Variants in NRXN3 observed in about 807,000 individuals in gnomAD.
The protein encoded by NRXN3 is neurexin 3.
A neutral mutation model predicts 137.6 loss-of-function variants in NRXN3; 32 were observed. The observed-to-expected ratio is 0.23, with a 90% CI of 0.18 to 0.31. The LOEUF (loss-of-function observed/expected upper bound fraction) is 0.31. Among genes scored for constraint, NRXN3 ranks in the 10% least tolerant of loss-of-function variants. The probability of loss-of-function intolerance (pLI) is 1.00; values close to 1 mark genes in which losing one functional copy is unlikely to be tolerated. For missense variants in NRXN3, 1,574 were observed against 2,062.5 expected (o/e 0.76, Z 4.59); for synonymous variants, 798 against 784.5 (o/e 1.02, Z -0.29).
rs150003252 is a variant in NRXN3, at chr14:79,526,117, G to A, written c.3444+58715G>A. Among the ~76,000 whole-genome samples, 598 of 152,040 alleles carry A rather than the reference G, an allele frequency of 3.9e-3. 17 individuals carry two copies. The East Asian group carries it at 0.08, about 20-fold the overall frequency. Reference sequence around the variant, plus strand: ...GGCTGGAGTGCAATGGCGTGATCTCGGCTCACTGCAACCTCCACCTCCTGG... The same window carrying A: ...GGCTGGAGTGCAATGGCGTGATCTCAGCTCACTGCAACCTCCACCTCCTGG... On this transcript the variant is annotated intron_variant, in intron 16 of 20. Coordinates refer to ENST00000335750, the MANE Select transcript of NRXN3 (RefSeq NM_001330195.2).
At chr14:79,585,767 ATGTT>A (rs992279618) in intron 16 of NRXN3, among the ~76,000 whole-genome samples, 10 of 151,850 alleles carry the variant, frequency 6.6e-5, no homozygotes, top group Non-Finnish European at 1.0e-4. Flanking sequence ...TGGGGGTATA[ATGTT>A]TGTTTAAGTT....
At chr14:78,644,557 A>G (rs2097667836) in intron 4 of NRXN3, among the ~76,000 whole-genome samples, 1 of 152,122 alleles carries the variant, frequency 6.6e-6, no homozygotes, top group Non-Finnish European at 1.5e-5. Context: ...CTCAGGTCCA[A>G]CCTCCTACTT....
intron 10 of NRXN3, among the ~76,000 whole-genome samples, chr14:78,916,413 T>C (rs1890586747): frequency 6.6e-6 from 1 of 152,136 alleles, no homozygotes; most frequent in South Asian, 2.1e-4. Flanking sequence ...TTTTAGATGG[T>C]AGGTCACAGA....
chr14:78,539,445 G>A (rs2096567649), intron 4 of NRXN3, among the ~76,000 whole-genome samples: 1 of 152,124 alleles, frequency 6.6e-6, no homozygotes. Flanking sequence ...GTATTTCTGT[G>A]GGATCAATGG....
intron 20 of NRXN3, among the ~76,000 whole-genome samples, chr14:79,824,984 A>G (rs2099289420): frequency 6.6e-6 from 1 of 152,202 alleles, no homozygotes; most frequent in African/African-American, 2.4e-5. Flanking sequence ...CTATAACCCA[A>G]TTTGTGAAAA....
chr14:78,453,763 A>G (rs1429754045), intron 4 of NRXN3, among the ~76,000 whole-genome samples: 4 of 152,236 alleles, frequency 2.6e-5, no homozygotes, highest in Non-Finnish European at 5.9e-5. Flanking sequence ...TTGGACACAG[A>G]AACAGACACA....
intron 3 of NRXN3, among the ~76,000 whole-genome samples, chr14:78,295,313 A>G (rs148886902): frequency 2.6e-5 from 4 of 151,648 alleles, no homozygotes; most frequent in South Asian, 2.1e-4. Context: ...AGGATCGTGT[A>G]TCTCGTTTTC....
chr14:79,627,800 C>T (rs576601378), intron 16 of NRXN3, among the ~76,000 whole-genome samples: 19 of 151,876 alleles, frequency 1.3e-4, no homozygotes, highest in Non-Finnish European at 2.4e-4. Context: ...AGGCTTCTGG[C>T]GTGGGTGCTG....
intron 16 of NRXN3, among the ~76,000 whole-genome samples, chr14:79,559,392 A>G (rs888853263): frequency 6.6e-6 from 1 of 152,076 alleles, no homozygotes; most frequent in Non-Finnish European, 1.5e-5. Flanking sequence ...TACATTCAAT[A>G]TTGTTGTGTC....
chr14:79,827,589 C>A (rs1313262526), intron 20 of NRXN3, among the ~76,000 whole-genome samples: 1 of 151,950 alleles, frequency 6.6e-6, no homozygotes, highest in Non-Finnish European at 1.5e-5. Flanking sequence ...GTGCTAGCAT[C>A]TGGGGAGCCT....
chr14:79,816,577 C>T (rs553351860), intron 20 of NRXN3, among the ~76,000 whole-genome samples: 99 of 152,286 alleles, frequency 6.5e-4, no homozygotes, highest in African/African-American at 2.3e-3. Context: ...TGACAATGAA[C>T]AGGATATTTC....
intron 2 of NRXN3, among the ~76,000 whole-genome samples, chr14:78,244,783 G>A (rs2067444442): frequency 6.6e-6 from 1 of 152,220 alleles, no homozygotes; most frequent in South Asian, 2.1e-4. Context: ...GAGGCACAGA[G>A]ATTGACTGCA....
At chr14:78,336,840 T>A (rs2081533158) in intron 4 of NRXN3, among the ~76,000 whole-genome samples, 1 of 152,084 alleles carries the variant, frequency 6.6e-6, no homozygotes, top group South Asian at 2.1e-4. Flanking sequence ...AGCATCCTGT[T>A]GTGATGCAAT....
In NRXN3 at chr14:79,776,605, C is replaced by T. The variant is rs567019519; in HGVS notation, c.4015-28507C>T. On this transcript the variant is annotated intron_variant, in intron 19 of 20. Transcript: ENST00000335750. ...ATTGCCCTATAGTTAATGCACTTCT[C>T]TGACGTAGAGGACTGAGCTCTCTAT... is the stretch of plus-strand genomic sequence containing the variant. Among the ~76,000 whole-genome samples the T allele has an allele frequency of 4.6e-4, 70 of 152,290 alleles. 1 individual carries two copies. In the South Asian group the frequency reaches 0.014, roughly 31 times the overall value.
chr14:78,495,084 CTT>C (rs5809891), intron 4 of NRXN3, among the ~76,000 whole-genome samples: 14 of 115,834 alleles, frequency 1.2e-4, no homozygotes, highest in Admixed American at 1.7e-4. Context: ...ATATTCTTGA[CTT>C]TTTTTTTTTT....
chr14:79,828,886 A>T (rs1370300242), intron 20 of NRXN3, among the ~76,000 whole-genome samples: 1 of 152,140 alleles, frequency 6.6e-6, no homozygotes, highest in East Asian at 1.9e-4. Flanking sequence ...TAGTCATACA[A>T]TAATTATTTA....
intron 15 of NRXN3, among the ~76,000 whole-genome samples, chr14:79,075,731 T>G (rs1438058937): frequency 6.6e-6 from 1 of 152,164 alleles, no homozygotes; most frequent in Non-Finnish European, 1.5e-5. Context: ...CAGATTTACT[T>G]CCAAGCAGGA....
chr14:78,305,871 A>AT (rs2077323562), intron 4 of NRXN3, among the ~76,000 whole-genome samples: 1 of 152,030 alleles, frequency 6.6e-6, no homozygotes, highest in Non-Finnish European at 1.5e-5. Context: ...TTTTCCATGT[A>AT]TTTTTTCTTC....
intron 19 of NRXN3, among the ~76,000 whole-genome samples, chr14:79,760,110 C>T (rs925720644): frequency 2.0e-5 from 3 of 151,544 alleles, no homozygotes; most frequent in African/African-American, 4.9e-5. Flanking sequence ...CAACTGAGTA[C>T]ATCAGCACAT....
Sources: allele counts gnomAD v4.1 joint callset (sites outside exome capture counted in the v4.1 genomes callset), GRCh38; gene constraint gnomAD v4.1.1; transcripts MANE v1.5; gene names NCBI Gene and HGNC (gene_info 2026-07-23, HGNC 2026-07-21).